Variants in TSHZ2 observed in about 807,000 individuals in gnomAD.
TSHZ2 encodes the protein teashirt zinc finger homeobox 2, also known as teashirt homolog 2.
Under a neutral mutation model 74.4 loss-of-function variants are expected in TSHZ2, and 21 were observed. The observed-to-expected ratio is 0.28, with a 90% confidence interval of 0.20 to 0.41. The LOEUF is 0.41. Among genes scored for constraint, TSHZ2 ranks in the 10% least tolerant of loss-of-function variants. The pLI is 1.00. For missense variants in TSHZ2, 1,244 were observed against 1,293.5 expected, an observed-to-expected ratio of 0.96 and a Z score of 0.59; for synonymous variants, 540 against 515.3, an observed-to-expected ratio of 1.05 and a Z score of -0.65.
chr20:53,272,788 G>C (rs186713069), intron 2 of TSHZ2, among the ~76,000 whole-genome samples: 4 of 152,328 alleles, frequency 2.6e-5, no homozygotes, highest in African/African-American at 7.2e-5. Flanking sequence ...TGGAGGAACT[G>C]CTGTGTGCCA....
At chr20:53,131,293 G>A (rs1452232346) in intron 1 of TSHZ2, among the ~76,000 whole-genome samples, 1 of 152,186 alleles carries the variant, frequency 6.6e-6, no homozygotes, top group African/African-American at 2.4e-5. Flanking sequence ...AATAATGCAT[G>A]CTGACAATGT....
chr20:53,090,984 G>T (rs1380232788), intron 1 of TSHZ2, among the ~76,000 whole-genome samples: 1 of 152,106 alleles, frequency 6.6e-6, no homozygotes, highest in Non-Finnish European at 1.5e-5. Context: ...ATGTTTACAT[G>T]TATGAATGTT....
At chr20:53,444,304 T>G (rs1984464309) in intron 2 of TSHZ2, among the ~76,000 whole-genome samples, 1 of 152,098 alleles carries the variant, frequency 6.6e-6, no homozygotes, top group Non-Finnish European at 1.5e-5. Context: ...ATGCTCTCCC[T>G]CCACACACGG....
rs141904481 is a variant in TSHZ2 at position 53,109,257 on chromosome 20, G to A, written c.40+135924G>A. Among the ~76,000 whole-genome samples the A allele has an allele frequency of 9.8e-5, 15 of 152,310 alleles. 2 individuals carry two copies. Among genetic ancestry groups the A allele is most frequent in the African/African-American group, 3.4e-4 (14 of 41,566 alleles). On this transcript the variant is annotated intron_variant, in intron 1 of 2. Coordinates refer to ENST00000371497, the MANE Select transcript of TSHZ2 (RefSeq NM_173485.6). ...AAATGAGTTAGAGCTAAAGCTCTTA[G>A]AAGATTATTGGCCCACAGGAAGTGC...
At chr20:53,333,532 T>A (rs936025650) in intron 2 of TSHZ2, among the ~76,000 whole-genome samples, 2 of 151,958 alleles carry the variant, frequency 1.3e-5, no homozygotes, top group Non-Finnish European at 2.9e-5. Flanking sequence ...CTCAGCTCAC[T>A]GCAAGCTCCG....
At chr20:53,147,219 A>C (rs1987563071) in intron 1 of TSHZ2, among the ~76,000 whole-genome samples, 1 of 152,172 alleles carries the variant, frequency 6.6e-6, no homozygotes, top group African/African-American at 2.4e-5. Context: ...TCTCTTCTAA[A>C]TTAACTTTGA....
At chr20:53,165,502 A>G (rs1988044791) in intron 1 of TSHZ2, among the ~76,000 whole-genome samples, 1 of 152,216 alleles carries the variant, frequency 6.6e-6, no homozygotes, top group Non-Finnish European at 1.5e-5. Context: ...CTAGGGAGAA[A>G]ATGCTCAAAA....
chr20:53,452,309 A>C (rs910513728), intron 2 of TSHZ2, among the ~76,000 whole-genome samples: 3 of 152,190 alleles, frequency 2.0e-5, no homozygotes, highest in African/African-American at 7.2e-5. Flanking sequence ...ACCTACAAGA[A>C]CTAGAGCAGG....
At chr20:53,201,781 A>G (rs956966648) in intron 1 of TSHZ2, among the ~76,000 whole-genome samples, 11 of 152,078 alleles carry the variant, frequency 7.2e-5, no homozygotes, top group African/African-American at 2.4e-4. Flanking sequence ...TGCTCTATGC[A>G]TTGTTAAATG....
chr20:53,094,505 T>A (rs1985980197), intron 1 of TSHZ2, among the ~76,000 whole-genome samples: 1 of 152,088 alleles, frequency 6.6e-6, no homozygotes, highest in Non-Finnish European at 1.5e-5. Flanking sequence ...AGTTAGAACA[T>A]TTTCCCCTCC....
intron 1 of TSHZ2, among the ~76,000 whole-genome samples, chr20:53,122,964 G>A (rs1210116315): frequency 6.6e-6 from 1 of 152,174 alleles, no homozygotes; most frequent in Non-Finnish European, 1.5e-5. Context: ...AAAACTGGGG[G>A]AGGTACTGGG....
chr20:53,288,825 A>T (rs532503465), intron 2 of TSHZ2, among the ~76,000 whole-genome samples: 6 of 152,314 alleles, frequency 3.9e-5, no homozygotes, highest in South Asian at 2.1e-4. Context: ...TTTTATTTTA[A>T]TTTAATTCAA....
intron 2 of TSHZ2, among the ~76,000 whole-genome samples, chr20:53,411,912 A>AGAG (rs1459152915): frequency 6.6e-6 from 1 of 152,212 alleles, no homozygotes; most frequent in Non-Finnish European, 1.5e-5. Context: ...CATTTAACAA[A>AGAG]GAGTCCCACA....
At chr20:53,217,908 A>G (rs1029955682) in intron 1 of TSHZ2, among the ~76,000 whole-genome samples, 3 of 152,204 alleles carry the variant, frequency 2.0e-5, no homozygotes, top group African/African-American at 7.2e-5. Flanking sequence ...AAGTTATGCA[A>G]ATCTAATTTA....
chr20:53,167,798 G>A (rs1988097358), intron 1 of TSHZ2, among the ~76,000 whole-genome samples: 1 of 152,212 alleles, frequency 6.6e-6, no homozygotes, highest in Non-Finnish European at 1.5e-5. Context: ...ACTGGGTGGG[G>A]TATTACGTCC....
intron 1 of TSHZ2, among the ~76,000 whole-genome samples, chr20:53,200,061 CCAAT>C (rs1169967433): frequency 2.2e-4 from 33 of 152,122 alleles, no homozygotes; most frequent in Non-Finnish European, 3.8e-4. Flanking sequence ...GGAGGAACAA[CCAAT>C]CAATCAATCA....
At chr20:53,424,390 G>A (rs528095408) in intron 2 of TSHZ2, among the ~76,000 whole-genome samples, 15 of 152,246 alleles carry the variant, frequency 9.9e-5, no homozygotes, top group African/African-American at 3.1e-4. Context: ...TAACAAAACA[G>A]CCCTGAAAAA....
chr20:53,471,787 T>A (rs2145838139), intron 2 of TSHZ2, among the ~76,000 whole-genome samples: 1 of 146,654 alleles, frequency 6.8e-6, no homozygotes, highest in East Asian at 2.0e-4. Flanking sequence ...CTAAGTGCCG[T>A]AGACACTTTT....
At chr20:53,468,501 G>A (rs1034665640) in intron 2 of TSHZ2, among the ~76,000 whole-genome samples, 1 of 151,746 alleles carries the variant, frequency 6.6e-6, no homozygotes, top group Non-Finnish European at 1.5e-5. Context: ...CCAAGATATC[G>A]CCCTGTTTCT....
Sources: allele counts gnomAD v4.1 joint callset (sites outside exome capture counted in the v4.1 genomes callset), GRCh38; gene constraint gnomAD v4.1.1; transcripts MANE v1.5; gene names NCBI Gene and HGNC (gene_info 2026-07-23, HGNC 2026-07-21).